The following PPP2R2C variants were observed in gnomAD, a reference collection of about 807,000 sequenced individuals.
PPP2R2C encodes the protein protein phosphatase 2 regulatory subunit Bgamma.
A neutral mutation model predicts 45.3 loss-of-function variants in PPP2R2C; 10 were observed. The observed-to-expected ratio is 0.22, with a 90% CI of 0.14 to 0.37. The LOEUF is 0.37. Ranked by LOEUF, PPP2R2C falls within the 10% of genes least tolerant of loss-of-function variation. The probability of loss-of-function intolerance (pLI) is 1.00; values close to 1 mark genes in which losing one functional copy is unlikely to be tolerated. For missense variants in PPP2R2C, 308 were observed against 619.7 expected (o/e 0.50, Z 5.34); for synonymous variants, 257 against 245.4 (o/e 1.05, Z -0.44).
At chr4:6,481,848 A>AATAG (rs1722362237) in intron 2 of PPP2R2C, among the ~76,000 whole-genome samples, 1 of 151,980 alleles carries the variant, frequency 6.6e-6, no homozygotes, top group Non-Finnish European at 1.5e-5. Flanking sequence ...GCATGGTGGC[A>AATAG]CGTGCCTGTA....
At chr4:6,342,519 C>T (rs77394725) in intron 6 of PPP2R2C, among the ~76,000 whole-genome samples, 4,248 of 152,270 alleles carry the variant, frequency 0.028, 198 homozygotes, top group African/African-American at 0.096. Flanking sequence ...CACCCAACAC[C>T]GGGCCAGGCA....
intron 2 of PPP2R2C, among the ~76,000 whole-genome samples, chr4:6,507,417 T>A (rs927520863): frequency 2.6e-5 from 4 of 152,254 alleles, no homozygotes; most frequent in African/African-American, 9.6e-5. Flanking sequence ...TGGAAGTTAC[T>A]GTGTGACTTA....
chr4:6,472,050 C>CG, intron 1 of PPP2R2C, 110 bp downstream of exon 1: 6 of 1,091,724 alleles, frequency 5.5e-6, no homozygotes, highest in South Asian at 2.9e-5. Context: ...TGGGGTGGGG[C>CG]GGGGGGACAC....
chr4:6,413,935 A>G (rs1399680747), intron 1 of PPP2R2C: 2 of 1,536,130 alleles, frequency 1.3e-6, no homozygotes, highest in Admixed American at 3.9e-5. Flanking sequence ...CGTCTTCGTT[A>G]TACTCAATCA....
Position 6,543,939 on chromosome 4 carries a change from G to A in PPP2R2C, c.-58-8562C>T, listed in dbSNP as rs140658951. ...ATCTCATCTCTGACTTTCGGCCCCC[G>A]AGCTGAGCTGTCAACACAGCAGCCT... is the stretch of plus-strand genomic sequence containing the variant. On this transcript the variant is annotated intron_variant, in intron 1 of 9. Transcript: ENST00000506140. Among the ~76,000 whole-genome samples the A allele has an allele frequency of 8.5e-5, 13 of 152,266 alleles. No individual in the cohort carries two copies. The East Asian group carries it at 2.5e-3, about 29-fold the overall frequency.
intron 2 of PPP2R2C, among the ~76,000 whole-genome samples, chr4:6,521,101 C>G (rs533757914): frequency 1.3e-5 from 2 of 152,318 alleles, no homozygotes; most frequent in African/African-American, 4.8e-5. Context: ...AAGTAACCAG[C>G]CTGAGGCCAC....
chr4:6,513,465 G>T (rs962886690), intron 2 of PPP2R2C, among the ~76,000 whole-genome samples: 2 of 152,168 alleles, frequency 1.3e-5, no homozygotes, highest in African/African-American at 2.4e-5. Flanking sequence ...AGGGGGTGAA[G>T]AGTGAGCCAC....
At chr4:6,394,589 A>G (rs11941241) in intron 1 of PPP2R2C, among the ~76,000 whole-genome samples, 6,581 of 152,278 alleles carry the variant, frequency 0.043, 494 homozygotes, top group African/African-American at 0.15. Flanking sequence ...TGGCAATAAG[A>G]GTCACCCCTG....
At chr4:6,512,254 ATGG>A (rs1723625090) in intron 2 of PPP2R2C, among the ~76,000 whole-genome samples, 1 of 5,798 alleles carries the variant, frequency 1.7e-4, no homozygotes. Flanking sequence ...GGTGGTGGTG[ATGG>A]TGGTGGTGGT....
upstream of PPP2R2C, among the ~76,000 whole-genome samples, chr4:6,477,599 G>A (rs1722206943): frequency 6.6e-6 from 1 of 151,992 alleles, no homozygotes; most frequent in Admixed American, 6.6e-5. Flanking sequence ...GGTGGTGGGC[G>A]CCTGTTGTCC....
At chr4:6,529,269 G>GCCAGGGATTAAC (rs1724316713) in intron 2 of PPP2R2C, among the ~76,000 whole-genome samples, 2 of 152,346 alleles carry the variant, frequency 1.3e-5, no homozygotes, top group African/African-American at 4.8e-5. Context: ...TCTGGGCAGG[G>GCCAGGGATTAAC]CCAGGGATTA....
chr4:6,560,825 C>A (rs948452076), intron 1 of PPP2R2C, among the ~76,000 whole-genome samples: 4 of 152,244 alleles, frequency 2.6e-5, no homozygotes, highest in African/African-American at 9.6e-5. Flanking sequence ...GATGGAACAG[C>A]AGAGCCTGTG....
rs12642889 is a variant in PPP2R2C at position 6,533,638 on chromosome 4, C to A, written c.49+1633G>T. 3.6e-3 allele frequency among the ~76,000 whole-genome samples: 547 copies of A among 152,186 alleles called. 6 individuals carry two copies. The highest frequency in any genetic ancestry group is 0.012 in the African/African-American group (509 of 41,508). ...ACCGTAAGTCTGCAGTTGACATTGC[C>A]GTCCAAATGCAGGATTGCAGACTTT... On this transcript the variant is annotated intron_variant, in intron 2 of 9. Transcript: ENST00000506140.
At chr4:6,423,393 G>A (rs755774472) in intron 1 of PPP2R2C, among the ~76,000 whole-genome samples, 8 of 152,224 alleles carry the variant, frequency 5.3e-5, no homozygotes, top group African/African-American at 1.9e-4. Flanking sequence ...TAGTAGAGAC[G>A]AGGTTTCACC....
chr4:6,345,162 A>G lies in PPP2R2C; in HGVS notation c.790+2684T>C, dbSNP rs1263097399. The stretch of plus-strand genomic sequence containing the variant: ...AATGAAGCCCCATCCTCCTTCCCAC[A>G]GGGCTCACACGGGGTCAGCAGCGGA... On this transcript the variant is annotated intron_variant, in intron 6 of 8. Transcript: ENST00000382599. The surrounding 1 kb of genome is among the most constrained non-coding windows in gnomAD (Gnocchi z 5.3). 6.6e-6 allele frequency among the ~76,000 whole-genome samples: 1 copy of G among 152,228 alleles called. No homozygotes were observed. The highest frequency in any genetic ancestry group is 1.5e-5 in the Non-Finnish European group (1 of 68,036).
chr4:6,386,859 G>A (rs955242995), intron 1 of PPP2R2C, among the ~76,000 whole-genome samples: 12 of 152,158 alleles, frequency 7.9e-5, no homozygotes, highest in African/African-American at 2.7e-4. Flanking sequence ...CATACTTCAT[G>A]AAAGAATAAA....
At chr4:6,482,738 C>T (rs913227278) in intron 2 of PPP2R2C, among the ~76,000 whole-genome samples, 6 of 152,142 alleles carry the variant, frequency 3.9e-5, no homozygotes, top group Non-Finnish European at 8.8e-5. Flanking sequence ...GCTGTCTAGT[C>T]GTTAGTTCCA....
chr4:6,483,127 A>G (rs957387331), intron 2 of PPP2R2C, among the ~76,000 whole-genome samples: 1 of 95,724 alleles, frequency 1.0e-5, no homozygotes, highest in East Asian at 4.1e-4. Flanking sequence ...AGATAGATAG[A>G]TAGATAGATA....
chr4:6,409,494 C>A (rs909268326), intron 1 of PPP2R2C, among the ~76,000 whole-genome samples: 4 of 152,168 alleles, frequency 2.6e-5, no homozygotes, highest in African/African-American at 9.7e-5. Context: ...CTCAGCCCAC[C>A]TTCTGGGGCT....
Sources: allele counts gnomAD v4.1 joint callset (sites outside exome capture counted in the v4.1 genomes callset), GRCh38; gene constraint gnomAD v4.1.1; non-coding constraint Gnocchi (gnomAD v3.1); transcripts MANE v1.5; gene names NCBI Gene and HGNC (gene_info 2026-07-23, HGNC 2026-07-21).